PLCB4: variants seen among roughly 807,000 people sequenced by gnomAD.
PLCB4 encodes 1-phosphatidylinositol 4,5-bisphosphate phosphodiesterase beta-4.
In PLCB4, 77 loss-of-function variants were observed where a neutral mutation model predicts 178.8. The observed-to-expected ratio is 0.43, with a 90% CI of 0.36 to 0.52. The LOEUF (loss-of-function observed/expected upper bound fraction) is 0.52. Ranked by LOEUF, PLCB4 falls within the 20% of genes least tolerant of loss-of-function variation. PLCB4 has a pLI of 0.00. For missense variants in PLCB4, 1,024 were observed against 1,453.4 expected (o/e 0.70, Z 4.80); for synonymous variants, 496 against 490.8 (o/e 1.01, Z -0.14).
intron 2 of PLCB4, among the ~76,000 whole-genome samples, chr20:9,106,600 C>T (rs1194026894): frequency 2.6e-5 from 4 of 151,768 alleles, no homozygotes; most frequent in Non-Finnish European, 2.9e-5. Context: ...TCTCAAAGTG[C>T]GTTAAATATT....
chr20:9,211,990 C>T (rs1008245640), intron 2 of PLCB4, among the ~76,000 whole-genome samples: 1 of 152,162 alleles, frequency 6.6e-6, no homozygotes. Context: ...CAAGGTCTTC[C>T]CCACTGTACA....
rs2147255157 is a variant in PLCB4, at chr20:9,213,753, C to T, written c.-78-3637C>T. Among the ~76,000 whole-genome samples, 2 of 152,332 alleles carry T rather than the reference C, an allele frequency of 1.3e-5. 1 individual carries two copies. Among genetic ancestry groups the T allele is most frequent in the Middle Eastern group, 6.8e-3 (2 of 294 alleles). ...GCAACTGCTAGACTGTTTTCCAAAG[C>T]AGCAGCATCATTTTACATTTCCACC... On this transcript the variant is annotated intron_variant, in intron 2 of 39. Transcript: ENST00000378473.
At chr20:9,103,129 A>T (rs2146643190) in intron 2 of PLCB4, among the ~76,000 whole-genome samples, 1 of 149,988 alleles carries the variant, frequency 6.7e-6, no homozygotes, top group East Asian at 2.0e-4. Context: ...GGTTCATGCC[A>T]TTCCATTGTA....
chr20:9,252,018 C>T (rs1259376918), intron 3 of PLCB4, among the ~76,000 whole-genome samples: 2 of 152,156 alleles, frequency 1.3e-5, no homozygotes, highest in African/African-American at 4.8e-5. Flanking sequence ...CGTCTCAATT[C>T]AGATACTAAA....
At chr20:9,145,506 G>A (rs898642956) in intron 2 of PLCB4, among the ~76,000 whole-genome samples, 2 of 148,624 alleles carry the variant, frequency 1.3e-5, no homozygotes, top group African/African-American at 5.1e-5. Flanking sequence ...AATTATCAAA[G>A]TTCTTTTTTT....
At chr20:9,116,695 T>A (rs1007211020) in intron 2 of PLCB4, among the ~76,000 whole-genome samples, 1 of 152,086 alleles carries the variant, frequency 6.6e-6, no homozygotes, top group Non-Finnish European at 1.5e-5. Context: ...TTCAAATAAA[T>A]TTTAAAAAAC....
At chr20:9,174,786 A>G (rs2093126632) in intron 2 of PLCB4, among the ~76,000 whole-genome samples, 1 of 152,174 alleles carries the variant, frequency 6.6e-6, no homozygotes. Flanking sequence ...TCAGCAGAAC[A>G]TAGTGTAATA....
chr20:9,208,947 T>C (rs1276568281), intron 2 of PLCB4, among the ~76,000 whole-genome samples: 1 of 152,248 alleles, frequency 6.6e-6, no homozygotes, highest in Non-Finnish European at 1.5e-5. Flanking sequence ...GTTAACACCA[T>C]GTACAAAATA....
At chr20:9,207,842 A>C (rs548574595) in intron 2 of PLCB4, among the ~76,000 whole-genome samples, 22 of 152,222 alleles carry the variant, frequency 1.4e-4, no homozygotes, top group Admixed American at 1.3e-3. Flanking sequence ...AAAAGGAATC[A>C]ATTATATTTT....
At position 9,445,723 on chromosome 20, in the gene PLCB4, T is replaced by C. The variant is rs115047330; in HGVS notation, c.2880+1480T>C. Among the ~76,000 whole-genome samples, 1,200 of 152,338 alleles carry C rather than the reference T, an allele frequency of 7.9e-3. 12 individuals carry two copies. The highest frequency in any genetic ancestry group is 0.027 in the African/African-American group (1,141 of 41,574). On this transcript the variant is annotated intron_variant, in intron 32 of 39. Transcript: ENST00000378473. ...TCCTTACATTGCTCAATGGGGTTAT[T>C]GGAGACAGAACAATTTAAAGTAGGG...
chr20:9,223,447 A>T (rs1477461812), intron 3 of PLCB4, among the ~76,000 whole-genome samples: 2 of 152,204 alleles, frequency 1.3e-5, no homozygotes, highest in Non-Finnish European at 2.9e-5. Flanking sequence ...GTCAGGAGTT[A>T]GGGAAGGGCC....
At chr20:9,099,647 A>G (rs2091065604) in intron 2 of PLCB4, among the ~76,000 whole-genome samples, 1 of 152,118 alleles carries the variant, frequency 6.6e-6, no homozygotes, top group Admixed American at 6.5e-5. Flanking sequence ...TGCCACAAGT[A>G]GTACCAACAC....
At chr20:9,209,184 A>C (rs1421783603) in intron 2 of PLCB4, among the ~76,000 whole-genome samples, 1 of 152,194 alleles carries the variant, frequency 6.6e-6, no homozygotes, top group Non-Finnish European at 1.5e-5. Flanking sequence ...TAGAGTACAG[A>C]TATTCTTTGC....
chr20:9,479,110 AGAT>A lies in PLCB4; in HGVS notation c.*105_*107del, dbSNP rs1277846059. 1.1e-5 allele frequency: 9 copies of A among 792,478 alleles called. No homozygotes were observed. The highest frequency in any genetic ancestry group is 2.2e-4 in the Middle Eastern group (1 of 4,448). The allele number at this position is 792,478 out of a possible 1,614,324, so 49.1% of individuals were successfully genotyped here. A position where few individuals can be genotyped will look rare whatever the true frequency, so the allele number is the denominator to read the frequency against. ...ATTTTGTTTCCTTTATGTGTAAACA[AGAT>A]GATATCTGAAACCAGAGAGACTTGG... On this transcript the variant is annotated 3_prime_UTR_variant, in exon 40 of 40. Transcript: ENST00000378473.
chr20:9,285,584 C>T (rs753517263), intron 3 of PLCB4, among the ~76,000 whole-genome samples: 1 of 151,920 alleles, frequency 6.6e-6, no homozygotes, highest in Non-Finnish European at 1.5e-5. Context: ...TCTTCTTTCT[C>T]AGGAAAGTAA....
At chr20:9,424,250 C>T (rs1266092752) in intron 28 of PLCB4, among the ~76,000 whole-genome samples, 1 of 151,976 alleles carries the variant, frequency 6.6e-6, no homozygotes, top group African/African-American at 2.4e-5. Flanking sequence ...TTTATATTGA[C>T]AATCAGACTA....
chr20:9,101,351 T>C (rs1024618288), intron 2 of PLCB4, among the ~76,000 whole-genome samples: 1 of 152,262 alleles, frequency 6.6e-6, no homozygotes, highest in Admixed American at 6.5e-5. Context: ...CAGGATCAAG[T>C]GAACCTGAGT....
intron 2 of PLCB4, among the ~76,000 whole-genome samples, chr20:9,165,900 C>T (rs888279602): frequency 2.6e-5 from 4 of 151,360 alleles, no homozygotes; most frequent in African/African-American, 9.7e-5. Context: ...AAAGTCTCAA[C>T]ATTTTACTAT....
chr20:9,207,506 C>T (rs6118522), intron 2 of PLCB4, among the ~76,000 whole-genome samples: 1 of 152,248 alleles, frequency 6.6e-6, no homozygotes, highest in East Asian at 1.9e-4. Flanking sequence ...CCAGCTCTAC[C>T]TCCAGTGACC....
Sources: gnomAD v4.1 joint callset for allele counts (sites outside exome capture counted in the v4.1 genomes callset) on GRCh38, gnomAD v4.1.1 for gene constraint, MANE v1.5 for transcripts, NCBI Gene and HGNC (gene_info 2026-07-23, HGNC 2026-07-21) for gene names.